The following GALNT13 variants were observed in gnomAD, a reference collection of about 807,000 sequenced individuals.
GALNT13 encodes the protein UDP-GalNAc:polypeptide N-acetylgalactosaminyltransferase 13.
In GALNT13, 28 loss-of-function variants were observed where a neutral mutation model predicts 64.2. The ratio of observed to expected loss-of-function variants is 0.44; its 90% confidence interval spans 0.32 to 0.60. The LOEUF (loss-of-function observed/expected upper bound fraction) is 0.60, where lower values mean the gene tolerates loss of function less well. Among genes scored for constraint, GALNT13 ranks in the 20% least tolerant of loss-of-function variants. The pLI, the probability that GALNT13 is intolerant of heterozygous loss-of-function variation, is 0.05. For synonymous variants in GALNT13, 214 were observed against 224.6 expected, an observed-to-expected ratio of 0.95 and a Z score of 0.42; for missense variants, 577 against 669.8, an observed-to-expected ratio of 0.86 and a Z score of 1.53.
chr2:153,536,036 C>T, the GALNT13 span, among the ~76,000 whole-genome samples: 3 of 152,084 alleles, frequency 2.0e-5, no homozygotes, highest in South Asian at 2.1e-4. Flanking sequence ...AACTAATTTG[C>T]CAGCAAGTTA....
chr2:154,047,578 C>T (rs760718541), intron 3 of GALNT13, among the ~76,000 whole-genome samples: 25 of 152,162 alleles, frequency 1.6e-4, no homozygotes, highest in Non-Finnish European at 2.5e-4. Flanking sequence ...GTGTTCAACT[C>T]ATAGTACTGT....
At chr2:153,277,305 A>G in the GALNT13 span, among the ~76,000 whole-genome samples, 2 of 152,062 alleles carry the variant, frequency 1.3e-5, no homozygotes, top group East Asian at 3.9e-4. Context: ...AACATGCTGT[A>G]TTTGCTTTTC....
In GALNT13 at chr2:154,186,308, C is replaced by T. The variant is rs555715989; in HGVS notation, c.311+45803C>T. ...TAACAATGTCATTAGATGAAAAAAA[C>T]AGATATGTTAGTTTGCAATTCAAAC... On this transcript the variant is annotated intron_variant, in intron 4 of 12. Coordinates refer to ENST00000392825, the MANE Select transcript of GALNT13 (RefSeq NM_052917.4). Among the ~76,000 whole-genome samples, 32 of 152,114 alleles carry T rather than the reference C, an allele frequency of 2.1e-4. No individual in the cohort carries two copies. The South Asian group carries it at 4.6e-3, about 22-fold the overall frequency.
chr2:154,154,500 G>A (rs972753136), intron 4 of GALNT13, among the ~76,000 whole-genome samples: 16 of 152,128 alleles, frequency 1.1e-4, no homozygotes, highest in African/African-American at 3.9e-4. Context: ...TATTTAGGAA[G>A]CGTTATTCTT....
At chr2:153,502,600 T>A in the GALNT13 span, among the ~76,000 whole-genome samples, 1 of 152,228 alleles carries the variant, frequency 6.6e-6, no homozygotes, top group Non-Finnish European at 1.5e-5. Flanking sequence ...TCTGGGTAGA[T>A]ACCTAGTAGT....
At chr2:154,076,566 A>G (rs1701000020) in intron 3 of GALNT13, among the ~76,000 whole-genome samples, 1 of 151,730 alleles carries the variant, frequency 6.6e-6, no homozygotes, top group African/African-American at 2.4e-5. Context: ...GATAGAAGAT[A>G]AAATTTATCC....
chr2:153,747,006 A>G, the GALNT13 span, among the ~76,000 whole-genome samples: 1 of 152,102 alleles, frequency 6.6e-6, no homozygotes, highest in East Asian at 1.9e-4. Context: ...TTGATTATTT[A>G]TGGCACGAAT....
chr2:153,762,916 G>A, the GALNT13 span, among the ~76,000 whole-genome samples: 1 of 151,398 alleles, frequency 6.6e-6, no homozygotes, highest in Non-Finnish European at 1.5e-5. Context: ...ACAGATATTT[G>A]CCTTTTTGTT....
At chr2:153,099,296 T>G in the GALNT13 span, among the ~76,000 whole-genome samples, 19 of 152,146 alleles carry the variant, frequency 1.2e-4, no homozygotes, top group Non-Finnish European at 5.9e-5. Flanking sequence ...CAGTTCAGCA[T>G]TGTTTCTGTG....
At chr2:153,226,083 C>T in the GALNT13 span, among the ~76,000 whole-genome samples, 170 of 152,096 alleles carry the variant, frequency 1.1e-3, 1 homozygote, top group Non-Finnish European at 1.9e-3. Context: ...ACTACAGGCA[C>T]GTGCCACCAT....
intron 3 of GALNT13, among the ~76,000 whole-genome samples, chr2:154,062,405 G>A (rs1277773665): frequency 1.3e-5 from 2 of 151,108 alleles, no homozygotes; most frequent in African/African-American, 4.9e-5. Context: ...CTTCTTATTT[G>A]ACCATTTGTA....
the GALNT13 span, among the ~76,000 whole-genome samples, chr2:153,468,827 A>C: frequency 5.4e-4 from 82 of 152,210 alleles, no homozygotes; most frequent in Non-Finnish European, 7.9e-4. Flanking sequence ...CACACGGTGT[A>C]CTGGGTCGTA....
the GALNT13 span, among the ~76,000 whole-genome samples, chr2:153,362,424 C>T: frequency 1.3e-5 from 2 of 151,872 alleles, no homozygotes; most frequent in African/African-American, 4.8e-5. Context: ...ATTAAAGACA[C>T]AGATGGGAAA....
intron 9 of GALNT13, among the ~76,000 whole-genome samples, chr2:154,323,029 A>G (rs1441380754): frequency 6.6e-6 from 1 of 151,926 alleles, no homozygotes; most frequent in Non-Finnish European, 1.5e-5. Flanking sequence ...CCTAGAGCAA[A>G]TGTTTCAAGG....
chr2:153,270,753 G>T, the GALNT13 span, among the ~76,000 whole-genome samples: 2 of 152,134 alleles, frequency 1.3e-5, no homozygotes, highest in Admixed American at 6.5e-5. Context: ...TTGAGAGACT[G>T]AGGTGGGAGG....
the GALNT13 span, among the ~76,000 whole-genome samples, chr2:153,359,701 G>A: frequency 7.5e-6 from 1 of 133,214 alleles, no homozygotes; most frequent in Non-Finnish European, 1.6e-5. Context: ...ACAATAAGAT[G>A]AGCAAGGATT....
At chr2:153,517,747 C>A in the GALNT13 span, among the ~76,000 whole-genome samples, 2 of 152,132 alleles carry the variant, frequency 1.3e-5, no homozygotes, top group African/African-American at 4.8e-5. Context: ...ATCATAGTAA[C>A]ACATATTGTA....
chr2:153,135,172 T>G, the GALNT13 span, among the ~76,000 whole-genome samples: 1 of 152,122 alleles, frequency 6.6e-6, no homozygotes, highest in Admixed American at 6.6e-5. Context: ...TCTCCTCACA[T>G]GGCAGAAAGA....
At chr2:154,116,371 G>T (rs1363380895) in intron 3 of GALNT13, among the ~76,000 whole-genome samples, 2 of 152,136 alleles carry the variant, frequency 1.3e-5, no homozygotes, top group Non-Finnish European at 2.9e-5. Context: ...TCAGCCACTT[G>T]CATGATAAGA....
Sources: gnomAD v4.1 joint callset for allele counts (sites outside exome capture counted in the v4.1 genomes callset) on GRCh38, gnomAD v4.1.1 for gene constraint, MANE v1.5 for transcripts, NCBI Gene and HGNC (gene_info 2026-07-23, HGNC 2026-07-21) for gene names.